CUX2: variants seen among roughly 807,000 people sequenced by gnomAD.
CUX2 encodes cut like homeobox 2.
A neutral mutation model predicts 144.8 loss-of-function variants in CUX2; 40 were observed. The observed-to-expected ratio is 0.28, with a 90% CI of 0.21 to 0.36. CUX2 has a LOEUF of 0.36. Among genes scored for constraint, CUX2 ranks in the 10% least tolerant of loss-of-function variants. The probability of loss-of-function intolerance (pLI) is 1.00; values close to 1 mark genes in which losing one functional copy is unlikely to be tolerated. For synonymous variants in CUX2, 827 were observed against 875.6 expected, an observed-to-expected ratio of 0.94 and a Z score of 0.98; for missense variants, 1,615 against 1,994.0, an observed-to-expected ratio of 0.81 and a Z score of 3.62.
intron 1 of CUX2, among the ~76,000 whole-genome samples, chr12:111,197,794 AG>A (rs1285074933): frequency 6.6e-6 from 1 of 152,204 alleles, no homozygotes; most frequent in Non-Finnish European, 1.5e-5. Context: ...AGGGAGCCAT[AG>A]GAGAGGTTCA....
At chr12:111,291,760 G>A (rs781495817) in intron 5 of CUX2, among the ~76,000 whole-genome samples, 1 of 152,148 alleles carries the variant, frequency 6.6e-6, no homozygotes, top group African/African-American at 2.4e-5. Context: ...TGCCCTTGTG[G>A]TGATGATCTT....
chr12:111,087,547 T>C (rs1206279382), intron 1 of CUX2, among the ~76,000 whole-genome samples: 1 of 152,204 alleles, frequency 6.6e-6, no homozygotes, highest in African/African-American at 2.4e-5. Context: ...TTAACCTGGC[T>C]CACTGGAGCA....
Position 111,295,516 on chromosome 12 carries a change from C to G in CUX2, c.637+107C>G. The G allele has an allele frequency of 1.1e-6, 1 of 937,020 alleles. No homozygotes were observed. The highest frequency in any genetic ancestry group is 2.8e-5 in the East Asian group (1 of 35,944). 58.0% of individuals were successfully genotyped at this position (937,020 alleles called of 1,614,324 possible). A position where few individuals can be genotyped will look rare whatever the true frequency, so the allele number is the denominator to read the frequency against. ...CTGCCACATCCAGGTGTTTTAGAATCAAGAGGGCAAAATGGGAGTTTGGGA... is the reference window on the plus strand; with the variant it reads ...CTGCCACATCCAGGTGTTTTAGAATGAAGAGGGCAAAATGGGAGTTTGGGA... On this transcript the variant is annotated intron_variant, in intron 7 of 21. Coordinates refer to ENST00000261726, the MANE Select transcript of CUX2 (RefSeq NM_015267.4). This position sits in a 1 kb window ranked among gnomAD's most constrained non-coding sequence, Gnocchi z 5.0.
chr12:111,218,150 G>A (rs549161462), intron 3 of CUX2, among the ~76,000 whole-genome samples: 1 of 152,172 alleles, frequency 6.6e-6, no homozygotes, highest in Non-Finnish European at 1.5e-5. Context: ...CAGAATTCAA[G>A]TCTGATCCCA....
chr12:111,046,880 T>C (rs116767118), intron 1 of CUX2, among the ~76,000 whole-genome samples: 3,210 of 152,286 alleles, frequency 0.021, 113 homozygotes, highest in African/African-American at 0.073. Context: ...TGGTCTTGAA[T>C]TCGTGACCTC....
intron 1 of CUX2, among the ~76,000 whole-genome samples, chr12:111,098,497 G>A (rs1453304895): frequency 2.6e-5 from 4 of 152,238 alleles, no homozygotes; most frequent in African/African-American, 7.2e-5. Flanking sequence ...GGCCAACGAG[G>A]GACCTTTCAA....
intron 1 of CUX2, among the ~76,000 whole-genome samples, chr12:111,038,635 A>G (rs1425214370): frequency 6.6e-6 from 1 of 152,232 alleles, no homozygotes; most frequent in African/African-American, 2.4e-5. Flanking sequence ...TATTTAAAGA[A>G]CCCAGCAGCC....
chr12:111,171,989 A>G lies in CUX2; in HGVS notation c.64-42211A>G, dbSNP rs1878557332. Among the ~76,000 whole-genome samples the G allele has an allele frequency of 6.8e-6, 1 of 146,904 alleles. No individual in the cohort carries two copies. Among genetic ancestry groups the G allele is most frequent in the Admixed American group, 6.7e-5 (1 of 14,998 alleles). Reference sequence around the variant, plus strand: ...TGTGCATGCACCTGTGTGTGTGTGCATGTGCCTGTGTGTGCGCATGTGTGT... The same window carrying G: ...TGTGCATGCACCTGTGTGTGTGTGCGTGTGCCTGTGTGTGCGCATGTGTGT... On this transcript the variant is annotated intron_variant, in intron 1 of 21. Coordinates refer to ENST00000261726, the MANE Select transcript of CUX2 (RefSeq NM_015267.4). The surrounding 1 kb of genome is among the most constrained non-coding windows in gnomAD (Gnocchi z 5.0).
At position 111,333,838 on chromosome 12, in the gene CUX2, CAG is replaced by C. The variant is rs147595806; in HGVS notation, c.2927-596_2927-595del. 3.6e-3 allele frequency among the ~76,000 whole-genome samples: 549 copies of C among 151,790 alleles called. 3 individuals carry two copies. Among genetic ancestry groups the C allele is most frequent in the African/African-American group, 0.013 (525 of 41,362 alleles). ...CACCACTGCACTCCAGCCTGGGTGA[CAG>C]AGAGAGTCCAACCAGGTCTCTGTAC... is the stretch of plus-strand genomic sequence containing the variant. On this transcript the variant is annotated intron_variant, in intron 18 of 21. Coordinates refer to ENST00000261726, the MANE Select transcript of CUX2 (RefSeq NM_015267.4).
At chr12:111,175,850 A>G (rs1878820405) in intron 1 of CUX2, among the ~76,000 whole-genome samples, 3 of 151,684 alleles carry the variant, frequency 2.0e-5, no homozygotes, top group Admixed American at 6.6e-5. Context: ...CTTATTGTAC[A>G]TGTTTTTGTG....
chr12:111,048,004 C>T (rs984525906), intron 1 of CUX2, among the ~76,000 whole-genome samples: 5 of 152,120 alleles, frequency 3.3e-5, no homozygotes, highest in African/African-American at 9.7e-5. Flanking sequence ...AGGTGGGACT[C>T]AGCTTGTAAA....
At chr12:111,115,230 G>T (rs1317551679) in intron 1 of CUX2, among the ~76,000 whole-genome samples, 1 of 147,150 alleles carries the variant, frequency 6.8e-6, no homozygotes, top group African/African-American at 2.5e-5. Flanking sequence ...CTGGTATTTT[G>T]ATTGACATTG....
chr12:111,323,221 G>C (rs1364063252), intron 18 of CUX2, among the ~76,000 whole-genome samples: 1 of 152,208 alleles, frequency 6.6e-6, no homozygotes, highest in Non-Finnish European at 1.5e-5. Context: ...GAGGACATCA[G>C]ACCTGCCCAC....
intron 3 of CUX2, among the ~76,000 whole-genome samples, chr12:111,234,122 T>TA (rs1046507341): frequency 2.6e-5 from 4 of 151,962 alleles, no homozygotes; most frequent in Admixed American, 2.0e-4. Flanking sequence ...CAAGAGTGGG[T>TA]AAAAAAACAG....
At chr12:111,283,649 C>T (rs1207049522) in intron 4 of CUX2, among the ~76,000 whole-genome samples, 1 of 152,152 alleles carries the variant, frequency 6.6e-6, no homozygotes, top group Non-Finnish European at 1.5e-5. Context: ...ATGTTACAGC[C>T]AGGGTTTGAC....
chr12:111,094,886 C>G (rs1032805608), intron 1 of CUX2, among the ~76,000 whole-genome samples: 1 of 152,168 alleles, frequency 6.6e-6, no homozygotes, highest in Non-Finnish European at 1.5e-5. Context: ...TTTGTGCAGC[C>G]TGGAGGCTGT....
At chr12:111,067,703 T>A (rs1871079486) in intron 1 of CUX2, among the ~76,000 whole-genome samples, 1 of 152,200 alleles carries the variant, frequency 6.6e-6, no homozygotes, top group Admixed American at 6.5e-5. Context: ...TCTGCCAACC[T>A]GGCCTGGTGT....
intron 1 of CUX2, among the ~76,000 whole-genome samples, chr12:111,118,799 A>AT (rs202089231): frequency 1.2e-3 from 188 of 152,128 alleles, no homozygotes; most frequent in African/African-American, 3.9e-3. Context: ...AGATATACAG[A>AT]TTTTTTTTAC....
Position 111,293,115 on chromosome 12 carries a change from C to T in CUX2, c.437-331C>T, listed in dbSNP as rs1209312547. Among the ~76,000 whole-genome samples the T allele has an allele frequency of 2.7e-5, 4 of 149,474 alleles. No homozygotes were observed. The highest frequency in any genetic ancestry group is 7.5e-5 in the African/African-American group (3 of 40,128). Reference sequence around the variant, plus strand: ...TCGCAGTCCAGCCTGGGCAACAGACCAAGACTCCGTCTCAAAAAAAAAATA... The same window carrying T: ...TCGCAGTCCAGCCTGGGCAACAGACTAAGACTCCGTCTCAAAAAAAAAATA... On this transcript the variant is annotated intron_variant, in intron 5 of 21. Transcript: ENST00000261726. This position sits in a 1 kb window ranked among gnomAD's most constrained non-coding sequence, Gnocchi z 4.5.
Sources: allele counts gnomAD v4.1 joint callset (sites outside exome capture counted in the v4.1 genomes callset), GRCh38; gene constraint gnomAD v4.1.1; non-coding constraint Gnocchi (gnomAD v3.1); transcripts MANE v1.5; gene names NCBI Gene and HGNC (gene_info 2026-07-23, HGNC 2026-07-21).